POSTN: variants seen among roughly 807,000 people sequenced by gnomAD.
POSTN encodes periostin.
In POSTN, 71 loss-of-function variants were observed where a neutral mutation model predicts 104.5. That is an observed-to-expected ratio of 0.68 (90% confidence interval 0.56 to 0.83). The LOEUF (loss-of-function observed/expected upper bound fraction) is 0.83, where lower values mean the gene tolerates loss of function less well. Among genes scored for constraint, POSTN ranks in the 40% least tolerant of loss-of-function variants. The pLI, the probability that POSTN is intolerant of heterozygous loss-of-function variation, is 0.00. For synonymous variants in POSTN, 355 were observed against 340.7 expected (o/e 1.04, Z -0.46); for missense variants, 949 against 1,006.8 (o/e 0.94, Z 0.78).
chr13:37,582,566 A>C, intron 9 of POSTN, 52 bp from the exon 10 acceptor site: 2 of 1,485,804 alleles, frequency 1.3e-6, no homozygotes, highest in Admixed American at 2.1e-5. Context: ...AAAACATTGA[A>C]GTTTCTCCCG....
chr13:37,589,723 T>C (rs182620319), intron 4 of POSTN, among the ~76,000 whole-genome samples: 235 of 152,286 alleles, frequency 1.5e-3, no homozygotes, highest in Non-Finnish European at 2.1e-3. Context: ...TATACCTACA[T>C]TTTATTATGT....
intron 10 of POSTN, among the ~76,000 whole-genome samples, chr13:37,582,025 A>G (rs1309476046): frequency 2.0e-5 from 3 of 152,244 alleles, no homozygotes; most frequent in Non-Finnish European, 4.4e-5. Context: ...AATGGTGTGT[A>G]GGCAGAGAAC....
chr13:37,596,744 T>C (rs556746598), intron 2 of POSTN, among the ~76,000 whole-genome samples: 1 of 152,336 alleles, frequency 6.6e-6, no homozygotes, highest in South Asian at 2.1e-4. Flanking sequence ...TCCAAATGAC[T>C]AGAGACAAAC....
Position 37,586,231 on chromosome 13 carries a change from T to G in POSTN, c.803A>C (p.His268Pro). 1.2e-6 allele frequency: 2 copies of G among 1,613,598 alleles called. No individual in the cohort carries two copies. The highest frequency in any genetic ancestry group is 1.1e-5 in the South Asian group (1 of 91,034). The change falls in exon 7 of 23, where the codon CAC (histidine) becomes CCC (proline). Residue 268 changes from histidine to proline, a missense_variant. By Grantham distance (77) the His-to-Pro change is moderately conservative (BLOSUM62 -2). Coordinates refer to ENST00000379747, the MANE Select transcript of POSTN (RefSeq NM_006475.3). ...ATTGGTGGGAGCAAAGAGTGTGAAG[T>G]GACCGTCTCTTCCAAGGGCCTCCAA... ...DILEALGRDG[H>P]FTLFAPTNEA...
rs771295407 is a variant in POSTN, at chr13:37,579,269, A to G, written c.1751T>C (p.Ile584Thr). The change falls in exon 13 of 23, where the codon ATT becomes ACT. Residue 584 changes from isoleucine (I) to threonine (T), a missense_variant. Ile to Thr is a moderately conservative substitution (Grantham distance 89). Coordinates refer to ENST00000379747, the MANE Select transcript of POSTN (RefSeq NM_006475.3). ...GKGFEPGVTN[I>T]LKTTQGSKIF... ...TTTGCTTCCTTGTGTGGTCTTTAAA[A>G]TGTTAGTAACACCAGGTTCAAATCC... 6 of 1,609,850 alleles carry G rather than the reference A, an allele frequency of 3.7e-6. No individual in the cohort carries two copies. Among genetic ancestry groups the G allele is most frequent in the Non-Finnish European group, 5.1e-6 (6 of 1,176,290 alleles).
intron 16 of POSTN, among the ~76,000 whole-genome samples, chr13:37,576,652 A>G (rs1388401671): frequency 6.6e-6 from 1 of 152,164 alleles, no homozygotes; most frequent in African/African-American, 2.4e-5. Flanking sequence ...GAAAGATGAC[A>G]TAACATGTCT....
At chr13:37,581,041 C>T (rs1475967220) in intron 10 of POSTN, among the ~76,000 whole-genome samples, 1 of 152,166 alleles carries the variant, frequency 6.6e-6, no homozygotes, top group African/African-American at 2.4e-5. Context: ...CCAACACTAT[C>T]TGTAAGGTTT....
Position 37,597,173 on chromosome 13 carries a change from AAG to A in POSTN, c.218+9_218+10del. The stretch of plus-strand genomic sequence containing the variant: ...GGAACTGACATATTATGAAAAAAAA[AAG>A]AGACTTACGTTTTCTGTCCACAGAT... On this transcript the variant is annotated intron_variant, in intron 2 of 22. Coordinates refer to ENST00000379747, the MANE Select transcript of POSTN (RefSeq NM_006475.3). 6.6e-7 allele frequency: 1 copy of A among 1,514,782 alleles called. No homozygotes were observed. The highest frequency in any genetic ancestry group is 8.9e-7 in the Non-Finnish European group (1 of 1,129,148). 93.8% of individuals were successfully genotyped at this position (1,514,782 alleles called of 1,614,324 possible).
Position 37,562,745 on chromosome 13 carries a change from T to A in POSTN, c.*588A>T, listed in dbSNP as rs1458928372. The A allele has an allele frequency of 1.3e-5, 2 of 152,166 alleles. No individual in the cohort carries two copies. Among genetic ancestry groups the A allele is most frequent in the Non-Finnish European group, 2.9e-5 (2 of 68,030 alleles). The allele number at this position is 152,166 out of a possible 1,614,324, so 9.4% of individuals were successfully genotyped here. Reference sequence around the variant, plus strand: ...CTGAAAAATGGTTTTATTGAAACGTTTGAGATTAAAAAATATGCATTGCAA... The same window carrying A: ...CTGAAAAATGGTTTTATTGAAACGTATGAGATTAAAAAATATGCATTGCAA... On this transcript the variant is annotated 3_prime_UTR_variant, in exon 23 of 23. Coordinates refer to ENST00000379747, the MANE Select transcript of POSTN (RefSeq NM_006475.3).
rs922837304 is a variant in POSTN, at chr13:37,574,774, G to C, written c.2009-122C>G. 2.4e-6 allele frequency: 3 copies of C among 1,245,264 alleles called. No homozygotes were observed. The South Asian group carries it at 5.5e-5, about 23-fold the overall frequency. 77.1% of individuals were successfully genotyped at this position (1,245,264 alleles called of 1,614,324 possible). A position where few individuals can be genotyped will look rare whatever the true frequency, so the allele number is the denominator to read the frequency against. On this transcript the variant is annotated intron_variant, in intron 16 of 22. Coordinates refer to ENST00000379747, the MANE Select transcript of POSTN (RefSeq NM_006475.3). The stretch of plus-strand genomic sequence containing the variant: ...ACTAAGGCACAGGATGTGGTAATAT[G>C]TTCAGGCAGTCAGATACAGGAAATA...
At position 37,584,871 on chromosome 13, in the gene POSTN, C is replaced by G; in HGVS notation, c.953G>C (p.Gly318Ala). ...TLQCSESIMG[G>A]AVFETLEGNT... is the part of the protein sequence containing the mutation. The stretch of plus-strand genomic sequence containing the variant: ...TCCTTCCAGCGTCTCAAAGACTGCT[C>G]CTCCCATAATAGACTCAGAACACTG... Residue 318 changes from glycine to alanine, a missense_variant, in exon 8 of 23, where the codon GGA (glycine) becomes GCA (alanine). Transcript: ENST00000379747. 1 of 1,613,872 alleles carries G rather than the reference C, an allele frequency of 6.2e-7. No homozygotes were observed. Among genetic ancestry groups the G allele is most frequent in the Non-Finnish European group, 8.5e-7 (1 of 1,179,928 alleles).
chr13:37,585,680 G>A (rs1460101399), intron 7 of POSTN, among the ~76,000 whole-genome samples: 2 of 152,094 alleles, frequency 1.3e-5, no homozygotes, highest in Admixed American at 6.6e-5. Flanking sequence ...AAGTATGCAA[G>A]CACAATGTAA....
chr13:37,572,480 A>C (rs1593318662), intron 17 of POSTN, among the ~76,000 whole-genome samples: 1 of 151,642 alleles, frequency 6.6e-6, no homozygotes, highest in Admixed American at 6.6e-5. Context: ...CGGTAACTTC[A>C]AAAGAAAGGA....
chr13:37,581,864 T>C (rs1870253785), intron 10 of POSTN, among the ~76,000 whole-genome samples: 2 of 152,252 alleles, frequency 1.3e-5, no homozygotes, highest in Non-Finnish European at 1.5e-5. Context: ...CTTGCATATT[T>C]GATTCATTAT....
rs1949969759 is a variant in POSTN at position 37,562,787 on chromosome 13, A to T, written c.*546T>A. ...GCATTGCAAGAAGCATATGACAAAC[A>T]TTCTGAGAGTACAAAATTAGTTGTA... is the stretch of plus-strand genomic sequence containing the variant. On this transcript the variant is annotated 3_prime_UTR_variant, in exon 23 of 23. Transcript: ENST00000379747. 6.6e-6 allele frequency: 1 copy of T among 152,238 alleles called. No individual in the cohort carries two copies. The highest frequency in any genetic ancestry group is 1.9e-4 in the East Asian group (1 of 5,192). The allele number at this position is 152,238 out of a possible 1,614,324, so 9.4% of individuals were successfully genotyped here.
At chr13:37,577,076 A>C (rs1200837050) in intron 16 of POSTN, among the ~76,000 whole-genome samples, 8 of 152,164 alleles carry the variant, frequency 5.3e-5, no homozygotes, top group Non-Finnish European at 1.2e-4. Context: ...GAAATAAAGA[A>C]AGAGAGAAAA....
In POSTN at chr13:37,586,683, C is replaced by T. The variant is rs1186464410; in HGVS notation, c.753+99G>A. On this transcript the variant is annotated intron_variant, in intron 6 of 22. Transcript: ENST00000379747. ...TAGTCCTTTCAAAAAATATGTGTTA[C>T]ATTTTTGCCAGATTTAATAGCATTT... The T allele has an allele frequency of 2.7e-5, 32 of 1,206,134 alleles. No individual in the cohort carries two copies. In the Admixed American group the frequency reaches 7.8e-4, roughly 29 times the overall value. 74.7% of individuals were successfully genotyped at this position (1,206,134 alleles called of 1,614,324 possible). A position where few individuals can be genotyped will look rare whatever the true frequency, so the allele number is the denominator to read the frequency against.
chr13:37,570,358 T>A (rs896351339), intron 19 of POSTN, among the ~76,000 whole-genome samples: 1 of 151,812 alleles, frequency 6.6e-6, no homozygotes, highest in Non-Finnish European at 1.5e-5. Context: ...TATGCATACA[T>A]GTAATAAAAA....
At chr13:37,585,728 C>G (rs137984415) in intron 7 of POSTN, among the ~76,000 whole-genome samples, 127 of 152,240 alleles carry the variant, frequency 8.3e-4, no homozygotes, top group Middle Eastern at 3.4e-3. Context: ...TGGAAAGCCA[C>G]CAAATTCTTA....
Sources: allele counts gnomAD v4.1 joint callset (sites outside exome capture counted in the v4.1 genomes callset), GRCh38; gene constraint gnomAD v4.1.1; transcripts MANE v1.5; gene names NCBI Gene and HGNC (gene_info 2026-07-23, HGNC 2026-07-21).